The following ENOX1 variants were observed in gnomAD, a reference collection of about 807,000 sequenced individuals.
ENOX1 encodes the protein candidate growth-related and time keeping constitutive hydroquinone (NADH) oxidase.
Under a neutral mutation model 82.5 loss-of-function variants are expected in ENOX1, and 42 were observed. The ratio of observed to expected loss-of-function variants is 0.51; its 90% confidence interval spans 0.40 to 0.66. ENOX1 has a LOEUF of 0.66. ENOX1 is among the 30% of genes least tolerant of loss of function. The pLI is 0.00. For synonymous variants in ENOX1, 271 were observed against 282.2 expected, an observed-to-expected ratio of 0.96 and a Z score of 0.40; for missense variants, 608 against 811.6, an observed-to-expected ratio of 0.75 and a Z score of 3.05.
At chr13:43,570,045 C>T (rs951291568) in intron 2 of ENOX1, among the ~76,000 whole-genome samples, 1 of 152,158 alleles carries the variant, frequency 6.6e-6, no homozygotes, top group Admixed American at 6.6e-5. Flanking sequence ...TCTTAGCACC[C>T]AGCATAGTTT....
At chr13:43,663,631 T>C (rs2084837533) in intron 2 of ENOX1, among the ~76,000 whole-genome samples, 1 of 152,168 alleles carries the variant, frequency 6.6e-6, no homozygotes, top group South Asian at 2.1e-4. Flanking sequence ...CTTGATACTA[T>C]GCCCAGAACA....
chr13:43,571,548 G>A (rs1270412697), intron 2 of ENOX1, among the ~76,000 whole-genome samples: 2 of 152,006 alleles, frequency 1.3e-5, no homozygotes, highest in Non-Finnish European at 2.9e-5. Context: ...AAATTAGCCG[G>A]GCGTGGTAGT....
At chr13:43,771,464 C>T (rs1216295289) in intron 1 of ENOX1, among the ~76,000 whole-genome samples, 1 of 150,916 alleles carries the variant, frequency 6.6e-6, no homozygotes, top group African/African-American at 2.5e-5. Context: ...TCTCTGTGAC[C>T]TCTTTCAGTT....
At chr13:43,515,518 C>G (rs2077526868) in intron 2 of ENOX1, among the ~76,000 whole-genome samples, 1 of 152,098 alleles carries the variant, frequency 6.6e-6, no homozygotes. Flanking sequence ...CATCCTAGGT[C>G]TTGTTAATTG....
chr13:43,243,325 T>C (rs2042931291), intron 14 of ENOX1, among the ~76,000 whole-genome samples: 1 of 152,186 alleles, frequency 6.6e-6, no homozygotes, highest in Admixed American at 6.5e-5. Context: ...CATTTTGTCT[T>C]TGATTCATTC....
At chr13:43,662,173 T>G (rs1435347321) in intron 2 of ENOX1, among the ~76,000 whole-genome samples, 1 of 152,224 alleles carries the variant, frequency 6.6e-6, no homozygotes, top group Non-Finnish European at 1.5e-5. Context: ...CTGTTCATAT[T>G]ACTTCTTTAA....
intron 11 of ENOX1, among the ~76,000 whole-genome samples, chr13:43,315,519 C>G (rs2047429175): frequency 6.6e-6 from 1 of 152,220 alleles, no homozygotes; most frequent in African/African-American, 2.4e-5. Flanking sequence ...ATTCTGTCAT[C>G]TAAACTCCTT....
intron 2 of ENOX1, among the ~76,000 whole-genome samples, chr13:43,535,945 G>A (rs1431942673): frequency 1.3e-5 from 2 of 152,138 alleles, no homozygotes; most frequent in Non-Finnish European, 2.9e-5. Context: ...ATAATGGCCT[G>A]TAGCATAAAT....
chr13:43,310,973 G>A (rs2047167465), intron 11 of ENOX1, among the ~76,000 whole-genome samples: 1 of 151,764 alleles, frequency 6.6e-6, no homozygotes, highest in South Asian at 2.1e-4. Context: ...TGACCTGAAA[G>A]AACATCACCT....
At chr13:43,388,232 C>T (rs1171346176) in intron 5 of ENOX1, among the ~76,000 whole-genome samples, 1 of 152,166 alleles carries the variant, frequency 6.6e-6, no homozygotes, top group African/African-American at 2.4e-5. Flanking sequence ...AGAAATTTAT[C>T]TTGCTCAGTG....
intron 2 of ENOX1, among the ~76,000 whole-genome samples, chr13:43,493,623 C>T (rs7490690): frequency 0.21 from 31,424 of 152,106 alleles, 3,975 homozygotes; most frequent in African/African-American, 0.35. Flanking sequence ...CTTCCCCATT[C>T]AGTCCACTGA....
intron 2 of ENOX1, among the ~76,000 whole-genome samples, chr13:43,511,711 T>C (rs1052820364): frequency 5.3e-5 from 8 of 152,126 alleles, no homozygotes; most frequent in African/African-American, 9.7e-5. Context: ...TACTCGTTCT[T>C]TTATAGTGCT....
intron 1 of ENOX1, among the ~76,000 whole-genome samples, chr13:43,698,276 A>G (rs2086736834): frequency 1.3e-5 from 2 of 152,224 alleles, no homozygotes; most frequent in African/African-American, 2.4e-5. Flanking sequence ...TTCAGCAACC[A>G]ATACGTAAGA....
intron 1 of ENOX1, among the ~76,000 whole-genome samples, chr13:43,698,750 A>C (rs2086767573): frequency 6.6e-6 from 1 of 152,222 alleles, no homozygotes; most frequent in African/African-American, 2.4e-5. Context: ...GCACATGTCA[A>C]GTCTCTGCAC....
At chr13:43,650,679 A>C (rs1220790862) in intron 2 of ENOX1, among the ~76,000 whole-genome samples, 1 of 152,168 alleles carries the variant, frequency 6.6e-6, no homozygotes, top group Non-Finnish European at 1.5e-5. Flanking sequence ...CTCTACTAAA[A>C]ACACAAAAAT....
At position 43,412,854 on chromosome 13, in the gene ENOX1, T is replaced by A; in HGVS notation, c.61A>T (p.Met21Leu). 1 of 1,614,090 alleles carries A rather than the reference T, an allele frequency of 6.2e-7. No individual in the cohort carries two copies. The highest frequency in any genetic ancestry group is 1.7e-5 in the Admixed American group (1 of 60,022). ...TQLPQELPQM[M>L]AAAADGLGSI... is the part of the protein sequence containing the mutation. Reference sequence around the variant, plus strand: ...GGCCACTGGCATTTACCTGCAGCCATCATCTGAGGAAGCTCCTGGGGAAGC... The same window carrying A: ...GGCCACTGGCATTTACCTGCAGCCAACATCTGAGGAAGCTCCTGGGGAAGC... Residue 21 changes from methionine (M) to leucine (L), a missense_variant, in exon 4 of 17, where the codon ATG becomes TTG. Met to Leu is a conservative substitution (Grantham distance 15, BLOSUM62 2). Coordinates refer to ENST00000690772, the MANE Select transcript of ENOX1 (RefSeq NM_001347969.2).
chr13:43,720,727 CCTTT>C (rs1211007340), intron 1 of ENOX1, among the ~76,000 whole-genome samples: 1 of 152,180 alleles, frequency 6.6e-6, no homozygotes, highest in East Asian at 1.9e-4. Context: ...TGTCCCCATT[CCTTT>C]CTACCTTATT....
In ENOX1 at chr13:43,360,001, C is replaced by T. The variant is rs1248866228; in HGVS notation, c.439G>A (p.Gly147Arg). 6.2e-6 allele frequency: 10 copies of T among 1,614,200 alleles called. No individual in the cohort carries two copies. Among genetic ancestry groups the T allele is most frequent in the East Asian group, 4.5e-5 (2 of 44,880 alleles). The change falls in exon 7 of 17, where the codon GGA becomes AGA. Residue 147 changes from glycine to arginine, a missense_variant. Coordinates refer to ENST00000690772, the MANE Select transcript of ENOX1 (RefSeq NM_001347969.2). The stretch of plus-strand genomic sequence containing the variant: ...TCAGTAGCATTTTCTGGTAATCCTC[C>T]GACAAACACGGTCTTACACCCAGGA... ...RPPGCKTVFV[G>R]GLPENATEEI...
At chr13:43,504,464 C>T (rs552008594) in intron 2 of ENOX1, among the ~76,000 whole-genome samples, 3 of 151,734 alleles carry the variant, frequency 2.0e-5, no homozygotes, top group Non-Finnish European at 4.4e-5. Flanking sequence ...GTGGTATATA[C>T]ATACAATGGG....
Sources: gnomAD v4.1 joint callset for allele counts (sites outside exome capture counted in the v4.1 genomes callset) on GRCh38, gnomAD v4.1.1 for gene constraint, MANE v1.5 for transcripts, NCBI Gene and HGNC (gene_info 2026-07-23, HGNC 2026-07-21) for gene names.